The following CDC42SE2 variants were observed in gnomAD, a reference collection of about 807,000 sequenced individuals.
CDC42SE2 encodes the protein CDC42 small effector 2.
A neutral mutation model predicts 11.5 loss-of-function variants in CDC42SE2; 3 were observed. The ratio of observed to expected loss-of-function variants is 0.26; its 90% CI spans 0.12 to 0.67. CDC42SE2 has a LOEUF of 0.67. Ranked by LOEUF, CDC42SE2 falls within the 30% of genes least tolerant of loss-of-function variation. CDC42SE2 has a pLI of 0.80. For synonymous variants in CDC42SE2, 33 were observed against 34.8 expected (o/e 0.95, Z 0.18); for missense variants, 82 against 106.8 (o/e 0.77, Z 1.02).
chr5:131,234,451 G>C, the CDC42SE2 span, among the ~76,000 whole-genome samples: 2 of 152,014 alleles, frequency 1.3e-5, no homozygotes, highest in African/African-American at 4.8e-5. Flanking sequence ...GCCTGGCCAA[G>C]ATGGTGAAAC....
At chr5:131,378,821 GT>G (rs1177200513) in intron 3 of CDC42SE2, among the ~76,000 whole-genome samples, 1 of 151,230 alleles carries the variant, frequency 6.6e-6, no homozygotes, top group Non-Finnish European at 1.5e-5. Context: ...TAGTGCTTGG[GT>G]TTTTTTCACA....
chr5:131,217,476 A>G, the CDC42SE2 span, among the ~76,000 whole-genome samples: 2 of 152,244 alleles, frequency 1.3e-5, no homozygotes, highest in African/African-American at 4.8e-5. Context: ...TCTCAAAAGC[A>G]TGATTTAGAA....
At chr5:131,275,948 A>G (rs1358853305) in intron 1 of CDC42SE2, among the ~76,000 whole-genome samples, 7 of 152,026 alleles carry the variant, frequency 4.6e-5, no homozygotes, top group Admixed American at 6.6e-5. Flanking sequence ...ACACAACTCT[A>G]TTGAGTAGTA....
In CDC42SE2 at chr5:131,359,194, CT is replaced by C. The variant is rs1487028911; in HGVS notation, c.-285-7del. The stretch of plus-strand genomic sequence containing the variant: ...AAAGTTTAACTTTTTTTTACTTTTT[CT>C]TTTTTTTCCCTAGACTATCTGTTAT... On this transcript the variant is annotated splice_polypyrimidine_tract_variant and intron_variant, in intron 2 of 4. Transcript: ENST00000505065. The C allele has an allele frequency of 1.1e-5, 3 of 264,320 alleles. No individual in the cohort carries two copies. Among genetic ancestry groups the C allele is most frequent in the South Asian group, 1.6e-4 (1 of 6,162 alleles). 16.4% of individuals were successfully genotyped at this position (264,320 alleles called of 1,614,324 possible).
the CDC42SE2 span, among the ~76,000 whole-genome samples, chr5:131,224,328 T>A: frequency 1.3e-5 from 2 of 152,204 alleles, no homozygotes; most frequent in Non-Finnish European, 2.9e-5. Flanking sequence ...ATAGATCTCA[T>A]AGAGAATTCC....
At chr5:131,241,900 T>C (rs767033989), upstream of CDC42SE2, among the ~76,000 whole-genome samples, 84 of 152,306 alleles carry the variant, frequency 5.5e-4, no homozygotes, top group Middle Eastern at 3.4e-3. Context: ...ATATATATTA[T>C]GCAATCTTCT....
At chr5:131,228,711 A>T in the CDC42SE2 span, among the ~76,000 whole-genome samples, 1 of 152,028 alleles carries the variant, frequency 6.6e-6, no homozygotes, top group African/African-American at 2.4e-5. Flanking sequence ...GTGTGGCTCT[A>T]TTTGGTAAGG....
intron 2 of CDC42SE2, among the ~76,000 whole-genome samples, chr5:131,345,995 G>A (rs1758833484): frequency 1.3e-5 from 2 of 152,142 alleles, no homozygotes; most frequent in African/African-American, 4.8e-5. Context: ...AGCTCCTGAA[G>A]GAAGCACTCA....
chr5:131,260,733 A>AACATGGCAAACAT (rs1756718695), upstream of CDC42SE2, among the ~76,000 whole-genome samples: 1 of 152,170 alleles, frequency 6.6e-6, no homozygotes, highest in Non-Finnish European at 1.5e-5. Context: ...CAGGAGTTCG[A>AACATGGCAAACAT]GACCAGCCTG....
intron 2 of CDC42SE2, among the ~76,000 whole-genome samples, chr5:131,337,380 C>CT (rs1233891885): frequency 6.6e-6 from 1 of 152,244 alleles, no homozygotes; most frequent in Non-Finnish European, 1.5e-5. Flanking sequence ...TCTGCCCCTA[C>CT]TGGGGGGTGC....
chr5:131,328,707 G>C (rs908727736), intron 2 of CDC42SE2, among the ~76,000 whole-genome samples: 1 of 152,128 alleles, frequency 6.6e-6, no homozygotes, highest in African/African-American at 2.4e-5. Flanking sequence ...AGTAGTTTAT[G>C]TTATAGATGT....
At chr5:131,277,128 A>G (rs1757120830) in intron 1 of CDC42SE2, among the ~76,000 whole-genome samples, 1 of 152,222 alleles carries the variant, frequency 6.6e-6, no homozygotes, top group South Asian at 2.1e-4. Flanking sequence ...TACAATTTTG[A>G]AATAATCTAT....
At chr5:131,272,441 C>G (rs138643264) in intron 1 of CDC42SE2, among the ~76,000 whole-genome samples, 38 of 152,248 alleles carry the variant, frequency 2.5e-4, no homozygotes, top group African/African-American at 9.1e-4. Flanking sequence ...GACCTTGTTT[C>G]CTGTATGTTA....
At chr5:131,288,748 G>A (rs1382360772) in intron 1 of CDC42SE2, among the ~76,000 whole-genome samples, 1 of 152,178 alleles carries the variant, frequency 6.6e-6, no homozygotes, top group Admixed American at 6.5e-5. Flanking sequence ...GGTTGACCTG[G>A]AAACTTAACT....
intron 2 of CDC42SE2, among the ~76,000 whole-genome samples, chr5:131,330,959 G>A (rs1351395543): frequency 6.6e-6 from 1 of 152,028 alleles, no homozygotes; most frequent in Non-Finnish European, 1.5e-5. Context: ...CCAGGAGGTC[G>A]AGGCTGCAGG....
chr5:131,297,567 A>T (rs2149713692), intron 1 of CDC42SE2, among the ~76,000 whole-genome samples: 1 of 152,064 alleles, frequency 6.6e-6, no homozygotes, highest in East Asian at 1.9e-4. Flanking sequence ...AAAATACAAA[A>T]AAACTAGCTG....
the CDC42SE2 span, among the ~76,000 whole-genome samples, chr5:131,211,582 T>A: frequency 7.9e-5 from 12 of 152,356 alleles, no homozygotes; most frequent in African/African-American, 2.9e-4. Context: ...TCTATGAAGA[T>A]ACATTGAGTT....
intron 2 of CDC42SE2, among the ~76,000 whole-genome samples, chr5:131,332,341 C>T (rs1051618763): frequency 6.6e-6 from 1 of 152,226 alleles, no homozygotes; most frequent in African/African-American, 2.4e-5. Flanking sequence ...TGTATATGTG[C>T]CACATTTTCT....
chr5:131,342,869 C>T (rs1758746405), intron 2 of CDC42SE2, among the ~76,000 whole-genome samples: 1 of 151,828 alleles, frequency 6.6e-6, no homozygotes, highest in Admixed American at 6.6e-5. Flanking sequence ...TGTGCCGCCA[C>T]ACCTGGCGAA....
Sources: allele counts gnomAD v4.1 joint callset (sites outside exome capture counted in the v4.1 genomes callset), GRCh38; gene constraint gnomAD v4.1.1; transcripts MANE v1.5; gene names NCBI Gene and HGNC (gene_info 2026-07-23, HGNC 2026-07-21).